The following RYR3 variants were observed in gnomAD, a reference collection of about 807,000 sequenced individuals.
RYR3 encodes the protein brain ryanodine receptor-calcium release channel.
Under a neutral mutation model 584.3 loss-of-function variants are expected in RYR3, and 207 were observed. That is an observed-to-expected ratio of 0.35 (90% confidence interval 0.32 to 0.40). The LOEUF (loss-of-function observed/expected upper bound fraction) is 0.40. Among genes scored for constraint, RYR3 ranks in the 10% least tolerant of loss-of-function variants. The pLI is 1.00. For synonymous variants in RYR3, 2,416 were observed against 2,248.5 expected, an observed-to-expected ratio of 1.07 and a Z score of -2.11; for missense variants, 5,616 against 6,089.2, an observed-to-expected ratio of 0.92 and a Z score of 2.59.
In RYR3 at chr15:33,562,857, C is replaced by G. The variant is rs1456880473; in HGVS notation, c.993C>G (p.Asp331Glu). The G allele has an allele frequency of 1.9e-6, 3 of 1,612,302 alleles. No individual in the cohort carries two copies. The East Asian group carries it at 6.7e-5, about 36-fold the overall frequency. The change falls in exon 11 of 104, where the codon GAC (aspartate) becomes GAG (glutamate). Residue 331 changes from aspartate (D) to glutamate (E), a missense_variant. Physicochemically the swap from Asp to Glu is conservative, Grantham distance 45. Around this residue, in one of 9 missense-constraint regions of RYR3, gnomAD observed 1,284 missense variants for 1,344.6 expected, o/e 0.95. Transcript: ENST00000634891. The stretch of plus-strand genomic sequence containing the variant: ...ATTAGGAACTCAAGGAGAAATTAGA[C>G]TCCAGTCACAAGCGAGACATAGAAG... Reference protein sequence around the residue: ...RASKELKEKLDSSHKRDIEGM... With the variant: ...RASKELKEKLESSHKRDIEGM...
chr15:33,601,091 TA>T (rs2059636918), intron 16 of RYR3, among the ~76,000 whole-genome samples: 1 of 152,138 alleles, frequency 6.6e-6, no homozygotes, highest in Non-Finnish European at 1.5e-5. Context: ...GATATTGTCT[TA>T]GACAGTCTGT....
At chr15:33,829,211 A>G (rs1210896740) in intron 85 of RYR3, among the ~76,000 whole-genome samples, 1 of 152,198 alleles carries the variant, frequency 6.6e-6, no homozygotes, top group African/African-American at 2.4e-5. Flanking sequence ...GTTGTTGACT[A>G]TGCACCTGGT....
In RYR3 at chr15:33,729,117, C is replaced by A. The variant is rs949613912; in HGVS notation, c.7203+91C>A. On this transcript the variant is annotated intron_variant, in intron 47 of 103. Transcript: ENST00000634891. The stretch of plus-strand genomic sequence containing the variant: ...GAAGCAAATATTTTCTCTTTACTCA[C>A]CAATTACATTTTAATAGCTTACTTT... The A allele has an allele frequency of 9.5e-6, 10 of 1,056,496 alleles. No individual in the cohort carries two copies. The African/African-American group carries it at 1.4e-4, about 15-fold the overall frequency. The allele number at this position is 1,056,496 out of a possible 1,614,324, so 65.4% of individuals were successfully genotyped here.
intron 86 of RYR3, among the ~76,000 whole-genome samples, chr15:33,834,285 AACAC>A (rs61059288): frequency 0.045 from 6,154 of 136,884 alleles, 334 homozygotes; most frequent in East Asian, 0.27. Flanking sequence ...ATCTGTCTTA[AACAC>A]ACACACACAC....
At chr15:33,729,475 T>A (rs554957604) in intron 47 of RYR3, among the ~76,000 whole-genome samples, 1 of 152,232 alleles carries the variant, frequency 6.6e-6, no homozygotes, top group African/African-American at 2.4e-5. Flanking sequence ...CTGGCAACAT[T>A]ATAGGCTGAC....
intron 1 of RYR3, among the ~76,000 whole-genome samples, chr15:33,454,248 TA>T (rs2047362119): frequency 6.6e-6 from 1 of 152,196 alleles, no homozygotes; most frequent in Admixed American, 6.5e-5. Context: ...ATCCCCAAAC[TA>T]AAGTAACTGG....
At chr15:33,420,756 G>A (rs902548640) in intron 1 of RYR3, among the ~76,000 whole-genome samples, 7 of 152,104 alleles carry the variant, frequency 4.6e-5, no homozygotes, top group Non-Finnish European at 8.8e-5. Flanking sequence ...AAGAAAGGAA[G>A]CTGTTGCTTC....
chr15:33,844,093 G>A (rs1358604078), intron 92 of RYR3, among the ~76,000 whole-genome samples: 3 of 152,182 alleles, frequency 2.0e-5, no homozygotes, highest in African/African-American at 7.2e-5. Context: ...TTAATGAAGG[G>A]TCCTGAATTC....
In RYR3 at chr15:33,705,545, T is replaced by C. The variant is rs189162769; in HGVS notation, c.6484-1374T>C. Among the ~76,000 whole-genome samples the C allele has an allele frequency of 1.6e-4, 25 of 152,324 alleles. No homozygotes were observed. In the East Asian group the frequency reaches 4.8e-3, roughly 29 times the overall value. ...AGGTGAAATTAGAATAGCAACTGCG[T>C]TTTAATCAAAGGTATATTTGCCAGG... On this transcript the variant is annotated intron_variant, in intron 42 of 103. Coordinates refer to ENST00000634891, the MANE Select transcript of RYR3 (RefSeq NM_001036.6).
chr15:33,804,521 TC>T (rs2076081571), intron 69 of RYR3, among the ~76,000 whole-genome samples: 1 of 152,226 alleles, frequency 6.6e-6, no homozygotes, highest in African/African-American at 2.4e-5. Flanking sequence ...TCCTGACTTC[TC>T]CCAGCTCTAC....
intron 1 of RYR3, among the ~76,000 whole-genome samples, chr15:33,349,832 A>C (rs901888352): frequency 6.8e-6 from 1 of 147,682 alleles, no homozygotes. Flanking sequence ...CCTATGAGTG[A>C]GAATATGCGG....
At chr15:33,833,758 C>T (rs2077843736) in intron 86 of RYR3, among the ~76,000 whole-genome samples, 1 of 152,288 alleles carries the variant, frequency 6.6e-6, no homozygotes, top group East Asian at 1.9e-4. Flanking sequence ...ACTGAATGTA[C>T]ATAAACAGTG....
chr15:33,848,239 GAGC>G, intron 93 of RYR3, 49 bp from the exon 94 acceptor site: 5 of 1,607,190 alleles, frequency 3.1e-6, no homozygotes, highest in Non-Finnish European at 4.2e-6. Context: ...CTGGGAGCAG[GAGC>G]TTTAATCACA....
intron 1 of RYR3, among the ~76,000 whole-genome samples, chr15:33,431,890 G>A (rs992874688): frequency 3.9e-5 from 6 of 152,174 alleles, no homozygotes; most frequent in South Asian, 2.1e-4. Flanking sequence ...TCTCTTTTAC[G>A]GTGAGACTGG....
chr15:33,366,278 C>T (rs1463768947), intron 1 of RYR3, among the ~76,000 whole-genome samples: 4 of 152,068 alleles, frequency 2.6e-5, no homozygotes, highest in South Asian at 2.1e-4. Context: ...TCTGGTCCTG[C>T]GTCATTTATT....
chr15:33,820,629 C>T (rs2077054976), intron 77 of RYR3, 127 bp from the exon 78 acceptor site: 2 of 728,876 alleles, frequency 2.7e-6, no homozygotes, highest in Non-Finnish European at 4.4e-6. Flanking sequence ...CCTGGCTTTA[C>T]ACAACGCTGA....
chr15:33,515,777 G>T (rs907013541), intron 3 of RYR3, among the ~76,000 whole-genome samples: 1 of 152,104 alleles, frequency 6.6e-6, no homozygotes, highest in Non-Finnish European at 1.5e-5. Flanking sequence ...ACATTCTTCA[G>T]TTCTGCCAGT....
At position 33,613,369 on chromosome 15, in the gene RYR3, G is replaced by C; in HGVS notation, c.2351G>C (p.Gly784Ala). The C allele has an allele frequency of 6.3e-7, 1 of 1,598,200 alleles. No individual in the cohort carries two copies. ...LFFPVMSFSA[G>A]VKVRFLMGGR... The stretch of plus-strand genomic sequence containing the variant: ...TTCCCTGTGATGAGCTTTTCAGCAG[G>C]TGTCAAGTAAGTTATGGCTGTGATT... The change falls in exon 19 of 104, where the codon GGT becomes GCT. Residue 784 changes from glycine to alanine, a missense_variant. Coordinates refer to ENST00000634891, the MANE Select transcript of RYR3 (RefSeq NM_001036.6).
At chr15:33,794,314 T>TACATAAAC in intron 67 of RYR3, among the ~76,000 whole-genome samples, 1 of 119,128 alleles carries the variant, frequency 8.4e-6, no homozygotes, top group African/African-American at 2.8e-5. Context: ...TATTTTTATA[T>TACATAAAC]ATATATATTT....
Sources: allele counts gnomAD v4.1 joint callset (sites outside exome capture counted in the v4.1 genomes callset), GRCh38; gene constraint gnomAD v4.1.1; regional missense constraint gnomAD v4.1.1; transcripts MANE v1.5; gene names NCBI Gene and HGNC (gene_info 2026-07-23, HGNC 2026-07-21).